MTMR7: variants seen among roughly 807,000 people sequenced by gnomAD.
MTMR7 encodes myotubularin related protein 7, also known as phosphatidylinositol-3-phosphate phosphatase MTMR7.
Under a neutral mutation model 81.2 loss-of-function variants are expected in MTMR7, and 76 were observed. The ratio of observed to expected loss-of-function variants is 0.94; its 90% CI spans 0.78 to 1.13. MTMR7 has a LOEUF of 1.13. Among genes scored for constraint, MTMR7 ranks in the 50% most tolerant of loss-of-function variants. MTMR7 has a pLI of 0.00. For synonymous variants in MTMR7, 372 were observed against 289.8 expected (o/e 1.28, Z -2.88); for missense variants, 1,044 against 820.0 (o/e 1.27, Z -3.34).
intron 4 of MTMR7, among the ~76,000 whole-genome samples, chr8:17,351,496 G>A (rs762652937): frequency 6.6e-6 from 1 of 152,210 alleles, no homozygotes; most frequent in Non-Finnish European, 1.5e-5. Context: ...ACCACCTCCT[G>A]CCCTCTAAGA....
chr8:17,385,684 T>G (rs1203028420), intron 1 of MTMR7, among the ~76,000 whole-genome samples: 2 of 152,154 alleles, frequency 1.3e-5, no homozygotes, highest in African/African-American at 2.4e-5. Context: ...GAGTTCATTC[T>G]CAGGAGATGT....
At chr8:17,406,538 G>T (rs1225143967) in intron 1 of MTMR7, among the ~76,000 whole-genome samples, 1 of 152,178 alleles carries the variant, frequency 6.6e-6, no homozygotes, top group Non-Finnish European at 1.5e-5. Flanking sequence ...TATTGTCGGG[G>T]TTCTGAAATA....
At chr8:17,369,044 C>A (rs1281902245) in intron 3 of MTMR7, among the ~76,000 whole-genome samples, 1 of 152,254 alleles carries the variant, frequency 6.6e-6, no homozygotes, top group African/African-American at 2.4e-5. Flanking sequence ...TCACTCATCA[C>A]CAGCTGCTCA....
chr8:17,322,549 T>C (rs1038354096), intron 7 of MTMR7, among the ~76,000 whole-genome samples: 11 of 152,166 alleles, frequency 7.2e-5, no homozygotes, highest in African/African-American at 2.2e-4. Context: ...GCTGGGCACA[T>C]TGGGTCATGC....
At chr8:17,365,288 T>A (rs564660280) in intron 3 of MTMR7, among the ~76,000 whole-genome samples, 9 of 152,368 alleles carry the variant, frequency 5.9e-5, no homozygotes, top group Admixed American at 2.6e-4. Flanking sequence ...ATAGAGTTGT[T>A]TGAGTTCCTG....
intron 7 of MTMR7, among the ~76,000 whole-genome samples, chr8:17,326,039 G>A (rs551515792): frequency 5.6e-4 from 86 of 152,280 alleles, no homozygotes; most frequent in Non-Finnish European, 7.2e-4. Flanking sequence ...TGCTTACATT[G>A]CTTTACAAAT....
intron 1 of MTMR7, among the ~76,000 whole-genome samples, chr8:17,390,087 A>AG (rs1362836694): frequency 4.3e-4 from 65 of 151,266 alleles, no homozygotes; most frequent in African/African-American, 1.6e-3. Context: ...AAAAAAAAAA[A>AG]AGAAATCCCT....
At position 17,304,412 on chromosome 8, in the gene MTMR7, T is replaced by G. The variant is rs184457832; in HGVS notation, c.1460A>C (p.His487Pro). 1.5e-5 allele frequency: 24 copies of G among 1,613,888 alleles called. No homozygotes were observed. In the African/African-American group the frequency reaches 2.7e-4, roughly 18 times the overall value. ...ADHSQTQGTL[H>P]LPTTPCNFMY... ...GAAGTTACATGGTGTTGTAGGGAGA[T>G]GAAGGGTTCCCTGAGTCTGGCTGTG... The change falls in exon 12 of 14, where the codon CAT becomes CCT. Residue 487 changes from histidine to proline, a missense_variant. Physicochemically the swap from His to Pro is moderately conservative, Grantham distance 77 (BLOSUM62 -2). Transcript: ENST00000180173.
intron 7 of MTMR7, chr8:17,326,244 T>G (rs1322900366): frequency 6.6e-6 from 1 of 152,194 alleles, no homozygotes; most frequent in Non-Finnish European, 1.5e-5. Context: ...CTTACTATTT[T>G]GAGCTGAAAC....
chr8:17,358,126 CA>C (rs1479977650), intron 4 of MTMR7, among the ~76,000 whole-genome samples: 1 of 151,760 alleles, frequency 6.6e-6, no homozygotes, highest in Non-Finnish European at 1.5e-5. Flanking sequence ...TATTTTACCG[CA>C]AAAAAGATTT....
In MTMR7 at chr8:17,351,302, G is replaced by A. The variant is rs143391422; in HGVS notation, c.469-2221C>T. On this transcript the variant is annotated intron_variant, in intron 4 of 13. Coordinates refer to ENST00000180173, the MANE Select transcript of MTMR7 (RefSeq NM_004686.5). Reference sequence around the variant, plus strand: ...TTCAGACAGCCTCTTTGAAGAGCAAGAGATAAGCTCCTGCTAGGCCCTTTT... The same window carrying A: ...TTCAGACAGCCTCTTTGAAGAGCAAAAGATAAGCTCCTGCTAGGCCCTTTT... Among the ~76,000 whole-genome samples the A allele has an allele frequency of 6.3e-3, 954 of 152,312 alleles. 14 individuals carry two copies. Among genetic ancestry groups the A allele is most frequent in the African/African-American group, 0.022 (901 of 41,570 alleles).
At chr8:17,407,498 G>A (rs1217841993) in intron 1 of MTMR7, among the ~76,000 whole-genome samples, 1 of 151,768 alleles carries the variant, frequency 6.6e-6, no homozygotes, top group Non-Finnish European at 1.5e-5. Context: ...CTATTCTAGG[G>A]AAGAAATCAC....
intron 3 of MTMR7, among the ~76,000 whole-genome samples, chr8:17,366,554 T>C (rs542887526): frequency 2.0e-4 from 30 of 152,078 alleles, no homozygotes; most frequent in Non-Finnish European, 4.1e-4. Flanking sequence ...GAAAGCTAAA[T>C]TGCATCAAAC....
intron 1 of MTMR7, among the ~76,000 whole-genome samples, chr8:17,403,485 T>A (rs907712821): frequency 6.6e-6 from 1 of 152,100 alleles, no homozygotes; most frequent in Admixed American, 6.5e-5. Context: ...GGTAGCTCTG[T>A]AGTATAATTT....
chr8:17,311,437 C>T (rs931037904), intron 9 of MTMR7, 74 bp downstream of exon 9: 1 of 1,595,054 alleles, frequency 6.3e-7, no homozygotes, highest in Non-Finnish European at 8.6e-7. Context: ...CAGCAGTTGC[C>T]AGTAGTTGTA....
intron 1 of MTMR7, among the ~76,000 whole-genome samples, chr8:17,405,058 G>C (rs1387625429): frequency 6.6e-6 from 1 of 152,190 alleles, no homozygotes; most frequent in Non-Finnish European, 1.5e-5. Flanking sequence ...CACCATGTTG[G>C]CCAGGCTGGC....
At chr8:17,376,349 T>C (rs1820585984) in intron 1 of MTMR7, among the ~76,000 whole-genome samples, 1 of 152,346 alleles carries the variant, frequency 6.6e-6, no homozygotes, top group South Asian at 2.1e-4. Context: ...TTGATAGACA[T>C]TTCAGTTGCA....
At chr8:17,312,574 CAAAAAAAA>C (rs10617081) in intron 8 of MTMR7, among the ~76,000 whole-genome samples, 18 of 87,252 alleles carry the variant, frequency 2.1e-4, no homozygotes, top group South Asian at 4.3e-4. Context: ...GACTCCCTCT[CAAAAAAAA>C]AAAAAAAAAA....
chr8:17,361,266 C>T lies in MTMR7; in HGVS notation c.319G>A (p.Glu107Lys). The change falls in exon 4 of 14, where the codon GAG (glutamate) becomes AAG (lysine). Residue 107 changes from glutamate (E) to lysine (K), a missense_variant. Coordinates refer to ENST00000180173, the MANE Select transcript of MTMR7 (RefSeq NM_004686.5). Reference protein sequence around the residue: ...LIRLARPVKYEELYCFSFNPM... With the variant: ...LIRLARPVKYKELYCFSFNPM... Reference sequence around the variant, plus strand: ...TTGAATGAAAAGCAGTATAACTCCTCATATTTCACTGCAAGAAAAGGTAGG... The same window carrying T: ...TTGAATGAAAAGCAGTATAACTCCTTATATTTCACTGCAAGAAAAGGTAGG... The T allele has an allele frequency of 6.2e-7, 1 of 1,614,118 alleles. No homozygotes were observed. The highest frequency in any genetic ancestry group is 8.5e-7 in the Non-Finnish European group (1 of 1,179,974).
Sources: gnomAD v4.1 joint callset for allele counts (sites outside exome capture counted in the v4.1 genomes callset) on GRCh38, gnomAD v4.1.1 for gene constraint, MANE v1.5 for transcripts, NCBI Gene and HGNC (gene_info 2026-07-23, HGNC 2026-07-21) for gene names.